The following LARP4 variants were observed in gnomAD, a reference collection of about 807,000 sequenced individuals.
The protein encoded by LARP4 is la-related protein 4.
Under a neutral mutation model 92.9 loss-of-function variants are expected in LARP4, and 29 were observed. That is an observed-to-expected ratio of 0.31 (90% CI 0.23 to 0.43). The LOEUF (loss-of-function observed/expected upper bound fraction) is 0.43, where lower values mean the gene tolerates loss of function less well. LARP4 is among the 20% of genes least tolerant of loss of function. LARP4 has a pLI of 1.00. For synonymous variants in LARP4, 279 were observed against 284.1 expected, an observed-to-expected ratio of 0.98 and a Z score of 0.18; for missense variants, 732 against 860.0, an observed-to-expected ratio of 0.85 and a Z score of 1.86.
intron 1 of LARP4, among the ~76,000 whole-genome samples, chr12:50,412,941 T>G (rs118123351): frequency 6.6e-6 from 1 of 152,076 alleles, no homozygotes; most frequent in Non-Finnish European, 1.5e-5. Context: ...AACTTGGCTA[T>G]TGGCTGGGCG....
intron 1 of LARP4, among the ~76,000 whole-genome samples, chr12:50,406,522 A>G (rs1030540093): frequency 1.3e-5 from 2 of 152,098 alleles, no homozygotes; most frequent in Admixed American, 1.3e-4. Flanking sequence ...TTTTTAAGAG[A>G]CAGGGTCTCA....
chr12:50,430,684 CAG>C (rs1458648066), intron 4 of LARP4, 114 bp downstream of exon 4: 2 of 609,398 alleles, frequency 3.3e-6, no homozygotes, highest in Non-Finnish European at 5.5e-6. Context: ...TTTCTTGAGA[CAG>C]AGTCTCATGT....
intron 1 of LARP4, among the ~76,000 whole-genome samples, chr12:50,410,808 A>C (rs991757306): frequency 7.2e-5 from 11 of 152,166 alleles, no homozygotes; most frequent in African/African-American, 2.7e-4. Flanking sequence ...CGTGACCCCC[A>C]AAAGGTTAAG....
intron 1 of LARP4, among the ~76,000 whole-genome samples, chr12:50,418,963 C>A (rs900095494): frequency 3.4e-4 from 52 of 152,122 alleles, no homozygotes; most frequent in African/African-American, 1.2e-3. Context: ...TCAAGCAGTC[C>A]TTCCGTCTTG....
At chr12:50,473,339 C>G (rs1420511334) in intron 13 of LARP4, 76 bp from the exon 14 acceptor site, 1 of 1,097,224 alleles carries the variant, frequency 9.1e-7, no homozygotes, top group African/African-American at 1.6e-5. Context: ...ACCATCTTCT[C>G]TTGTGCTTAT....
At chr12:50,426,684 G>GGGGTGTGTGTGTGTGT (rs774548049) in intron 1 of LARP4, among the ~76,000 whole-genome samples, 13 of 86,170 alleles carry the variant, frequency 1.5e-4, no homozygotes, top group East Asian at 8.4e-4. Flanking sequence ...TTATGTTTGG[G>GGGGTGTGTGTGTGTGT]GTGTGTGTGT....
intron 1 of LARP4, among the ~76,000 whole-genome samples, chr12:50,413,959 A>G (rs534296609): frequency 6.6e-6 from 1 of 152,304 alleles, no homozygotes; most frequent in South Asian, 2.1e-4. Context: ...TAGTGTGGCA[A>G]ACATCCTTGT....
At chr12:50,431,222 C>T (rs908192012) in intron 4 of LARP4, among the ~76,000 whole-genome samples, 2 of 151,920 alleles carry the variant, frequency 1.3e-5, no homozygotes, top group Admixed American at 1.3e-4. Flanking sequence ...GAGCTGAGAT[C>T]GCACCATTGC....
At chr12:50,469,635 G>A (rs1202235014) in intron 13 of LARP4, among the ~76,000 whole-genome samples, 1 of 150,598 alleles carries the variant, frequency 6.6e-6, no homozygotes, top group Non-Finnish European at 1.5e-5. Flanking sequence ...TAAAGGCGGG[G>A]CACAGTGGCT....
At chr12:50,430,722 G>A (rs1174624769) in intron 4 of LARP4, 152 bp downstream of exon 4, 15 of 514,696 alleles carry the variant, frequency 2.9e-5, no homozygotes, top group Non-Finnish European at 4.5e-5. Flanking sequence ...GTGCAGTGGT[G>A]TGATCTCGGC....
intron 4 of LARP4, among the ~76,000 whole-genome samples, chr12:50,433,846 G>T (rs929106477): frequency 2.0e-5 from 3 of 151,978 alleles, no homozygotes; most frequent in African/African-American, 7.2e-5. Context: ...TATCATGTTG[G>T]CTAGGCTAAT....
intron 1 of LARP4, among the ~76,000 whole-genome samples, chr12:50,404,610 C>T (rs991527413): frequency 1.7e-4 from 25 of 151,400 alleles, no homozygotes; most frequent in African/African-American, 5.1e-4. Flanking sequence ...GACCGAGTCT[C>T]GCTCTGAGAC....
At chr12:50,457,222 T>TA (rs796568146) in intron 10 of LARP4, among the ~76,000 whole-genome samples, 2 of 144,446 alleles carry the variant, frequency 1.4e-5, no homozygotes, top group African/African-American at 2.5e-5. Context: ...TTTTTTTTTT[T>TA]AAAGACGGAG....
In LARP4 at chr12:50,403,863, C is replaced by T. The variant is rs138918710; in HGVS notation, c.18+2835C>T. Among the ~76,000 whole-genome samples, 124 of 152,280 alleles carry T rather than the reference C, an allele frequency of 8.1e-4. 3 individuals are homozygous for T. The East Asian group carries it at 0.022, about 27-fold the overall frequency. On this transcript the variant is annotated intron_variant, in intron 1 of 15. Transcript: ENST00000398473. ...GTGTCAGGAACGTTTGATGTTTTTGCATATATAGATATCTGTACATCTTAA... is the reference window on the plus strand; with the variant it reads ...GTGTCAGGAACGTTTGATGTTTTTGTATATATAGATATCTGTACATCTTAA...
At chr12:50,431,065 C>T (rs934257328) in intron 4 of LARP4, among the ~76,000 whole-genome samples, 3 of 151,732 alleles carry the variant, frequency 2.0e-5, no homozygotes, top group Non-Finnish European at 2.9e-5. Context: ...GCTGGGAGTT[C>T]GAGACCTGCC....
chr12:50,418,207 G>A (rs758550630), intron 1 of LARP4, among the ~76,000 whole-genome samples: 1 of 151,978 alleles, frequency 6.6e-6, no homozygotes, highest in Non-Finnish European at 1.5e-5. Flanking sequence ...CACCATATTG[G>A]CCAGGCTGAT....
intron 1 of LARP4, 58 bp downstream of exon 1, chr12:50,401,086 C>T (rs1250524833): frequency 1.9e-6 from 3 of 1,596,286 alleles, no homozygotes; most frequent in Non-Finnish European, 2.6e-6. Context: ...GTAGAGGCGC[C>T]GGCCGGTCCC....
chr12:50,461,528 G>T, intron 11 of LARP4, 181 bp downstream of exon 11: 1 of 640,616 alleles, frequency 1.6e-6, no homozygotes, highest in South Asian at 2.0e-5. Context: ...GAAATAGAGT[G>T]CCCATACAGA....
At chr12:50,445,133 AG>A in intron 8 of LARP4, among the ~76,000 whole-genome samples, 1 of 151,800 alleles carries the variant, frequency 6.6e-6, no homozygotes, top group Admixed American at 6.6e-5. Context: ...TTAACTCCTG[AG>A]GGCAAGCGAT....
Sources: gnomAD v4.1 joint callset for allele counts (sites outside exome capture counted in the v4.1 genomes callset) on GRCh38, gnomAD v4.1.1 for gene constraint, MANE v1.5 for transcripts, NCBI Gene and HGNC (gene_info 2026-07-23, HGNC 2026-07-21) for gene names.